UGT2B28: variants seen among roughly 807,000 people sequenced by gnomAD.
UGT2B28 encodes UDP-glucuronosyltransferase 2B28.
A neutral mutation model predicts 43.6 loss-of-function variants in UGT2B28; 45 were observed. That is an observed-to-expected ratio of 1.03 (90% CI 0.81 to 1.32). UGT2B28 has a LOEUF of 1.32. Ranked by LOEUF, UGT2B28 falls within the 40% of genes most tolerant of loss-of-function variation. The pLI, the probability that UGT2B28 is intolerant of heterozygous loss-of-function variation, is 0.00. For synonymous variants in UGT2B28, 204 were observed against 208.1 expected (o/e 0.98, Z 0.17); for missense variants, 649 against 625.5 (o/e 1.04, Z -0.40).
chr4:69,294,923 A>C lies in UGT2B28; in HGVS notation c.*114A>C. 7.6e-7 allele frequency: 1 copy of C among 1,319,082 alleles called. No homozygotes were observed. The highest frequency in any genetic ancestry group is 9.8e-7 in the Non-Finnish European group (1 of 1,021,698). 81.7% of individuals were successfully genotyped at this position (1,319,082 alleles called of 1,614,324 possible). A position where few individuals can be genotyped will look rare whatever the true frequency, so the allele number is the denominator to read the frequency against. On this transcript the variant is annotated 3_prime_UTR_variant, in exon 6 of 6. Transcript: ENST00000335568. ...TTCTTTCTTCCTGTGACAAAAAAAA[A>C]AACTTTTCAAAATCTACCTTGTCAA...
At chr4:69,285,548 A>T (rs868375315) in intron 2 of UGT2B28, among the ~76,000 whole-genome samples, 1 of 140,486 alleles carries the variant, frequency 7.1e-6, no homozygotes, top group African/African-American at 2.8e-5. Flanking sequence ...CCCAGGTATT[A>T]CGTGGAATAG....
chr4:69,285,021 T>C lies in UGT2B28; in HGVS notation c.871-1731T>C, dbSNP rs115542598. On this transcript the variant is annotated intron_variant, in intron 2 of 5. Transcript: ENST00000335568. ...ATCTTACATGAAAGAATGATTAAAA[T>C]TTATTTGCATACGATAGCATTAAAA... Among the ~76,000 whole-genome samples the C allele has an allele frequency of 7.3e-3, 1,019 of 140,184 alleles. 221 individuals carry two copies. The highest frequency in any genetic ancestry group is 0.026 in the African/African-American group (940 of 35,962). 92.0% of individuals were successfully genotyped at this position (140,184 alleles called of 152,430 possible).
At position 69,294,549 on chromosome 4, in the gene UGT2B28, A is replaced by C; in HGVS notation, c.1330A>C (p.Lys444Gln). The change falls in exon 6 of 6, where the codon AAA becomes CAA. Residue 444 changes from lysine (K) to glutamine (Q), a missense_variant. Transcript: ENST00000335568. ...CTTCAGATATAAAGAGAATGTTATG[A>C]AATTATCAATAATTCAACATGATCA... is the stretch of plus-strand genomic sequence containing the variant. The part of the protein sequence containing the change: ...NDPSYKENVM[K>Q]LSIIQHDQPV... 1 of 1,542,394 alleles carries C rather than the reference A, an allele frequency of 6.5e-7. No individual in the cohort carries two copies. Among genetic ancestry groups the C allele is most frequent in the Middle Eastern group, 1.8e-4 (1 of 5,542 alleles).
rs1271172272 is a variant in UGT2B28, at chr4:69,284,915, G to A, written c.871-1837G>A. On this transcript the variant is annotated intron_variant, in intron 2 of 5. Transcript: ENST00000335568. ...GTTATTAATTTTATAATATATTCAC[G>A]TGAAATCATAAAAAAATCAAGTTGT... is the stretch of plus-strand genomic sequence containing the variant. Among the ~76,000 whole-genome samples the A allele has an allele frequency of 1.3e-4, 18 of 139,382 alleles. 2 individuals carry two copies. The highest frequency in any genetic ancestry group is 2.2e-4 in the Admixed American group (3 of 13,882). 91.4% of individuals were successfully genotyped at this position (139,382 alleles called of 152,430 possible). A position where few individuals can be genotyped will look rare whatever the true frequency, so the allele number is the denominator to read the frequency against.
At chr4:69,289,207 A>G (rs1403919340) in intron 3 of UGT2B28, among the ~76,000 whole-genome samples, 1 of 139,930 alleles carries the variant, frequency 7.1e-6, no homozygotes, top group East Asian at 2.0e-4. Context: ...ATTCCAACCA[A>G]CAGAGTATAA....
In UGT2B28 at chr4:69,286,752, G is replaced by A; in HGVS notation, c.871G>A (p.Glu291Lys). ...GTGATTAAACAATTTTTTTTCACAG[G>A]AAATGGAGGAATTTGTACAGAGCTC... ...HCKPAKPLPK[E>K]MEEFVQSSGE... Residue 291 changes from glutamate to lysine, a missense_variant and splice_region_variant, in exon 3 of 6, where the codon GAA becomes AAA. Glu to Lys is a moderately conservative substitution (Grantham distance 56). Transcript: ENST00000335568. The A allele has an allele frequency of 6.4e-7, 1 of 1,551,922 alleles. No individual in the cohort carries two copies. The highest frequency in any genetic ancestry group is 8.7e-7 in the Non-Finnish European group (1 of 1,153,150).
rs1193714939 is a variant in UGT2B28 at position 69,293,964 on chromosome 4, G to A, written c.1311-566G>A. ...TGACAAGCCATGAGGTATGTCACTC[G>A]CCATGATAAAATTCCTTTTTAGGAA... On this transcript the variant is annotated intron_variant, in intron 5 of 5. Coordinates refer to ENST00000335568, the MANE Select transcript of UGT2B28 (RefSeq NM_053039.2). 1.1e-4 allele frequency among the ~76,000 whole-genome samples: 15 copies of A among 139,912 alleles called. 4 individuals are homozygous for A. The highest frequency in any genetic ancestry group is 4.1e-4 in the East Asian group (2 of 4,892). 91.8% of individuals were successfully genotyped at this position (139,912 alleles called of 152,430 possible).
chr4:69,280,792 TCAGA>T lies in UGT2B28; in HGVS notation c.295_298del (p.Asp99PhefsTer31), dbSNP rs1432380676. On this transcript the variant is annotated frameshift_variant, in exon 1 of 6. Transcript: ENST00000335568. LOFTEE classifies it high-confidence loss of function. ...CATCATGCAACAGGTTAAGAGATGG[TCAGA>T]CATTCAAAAAGATAGCTTTTGGTTA... The T allele has an allele frequency of 1.9e-6, 3 of 1,569,384 alleles. No homozygotes were observed. The highest frequency in any genetic ancestry group is 1.7e-4 in the Middle Eastern group (1 of 5,808).
intron 1 of UGT2B28, 74 bp downstream of exon 1, chr4:69,281,295 A>G: frequency 7.1e-7 from 1 of 1,399,470 alleles, no homozygotes; most frequent in Non-Finnish European, 9.3e-7. Flanking sequence ...ATATAAAGCC[A>G]TAAAGTCAGG....
chr4:69,294,762 T>G lies in UGT2B28; in HGVS notation c.1543T>G (p.Cys515Gly), dbSNP rs1403581512. 6.4e-7 allele frequency: 1 copy of G among 1,559,134 alleles called. No homozygotes were observed. The highest frequency in any genetic ancestry group is 8.7e-7 in the Non-Finnish European group (1 of 1,155,008). The change falls in exon 6 of 6, where the codon TGT (cysteine) becomes GGT (glycine). Residue 515 changes from cysteine to glycine, a missense_variant. Transcript: ENST00000335568. The stretch of plus-strand genomic sequence containing the variant: ...TGTCGTCACAAAGTTTTGTCTGTTT[T>G]GTTTCTGGAAGTTTGCTAGAAAAGG... ...IFVVTKFCLFCFWKFARKGKK... is the reference protein window; with the variant it reads ...IFVVTKFCLFGFWKFARKGKK...
intron 3 of UGT2B28, 139 bp from the exon 4 acceptor site, chr4:69,289,522 TGTGA>T (rs1723882589): frequency 4.1e-6 from 3 of 724,890 alleles, no homozygotes; most frequent in Admixed American, 4.1e-5. Context: ...GAAAATAAAA[TGTGA>T]GTATTGTTTT....
In UGT2B28 at chr4:69,289,814, T is replaced by G. The variant is rs1200245334; in HGVS notation, c.1090+62T>G. On this transcript the variant is annotated intron_variant, in intron 4 of 5. Transcript: ENST00000335568. ...AACTGCACATTAGAATGTTAATAGT[T>G]TATCTTGAAACATGCTTATTGAATA... The G allele has an allele frequency of 5.0e-6, 7 of 1,401,818 alleles. 1 individual carries two copies. In the African/African-American group the frequency reaches 8.4e-5, roughly 17 times the overall value. 86.8% of individuals were successfully genotyped at this position (1,401,818 alleles called of 1,614,324 possible). A position where few individuals can be genotyped will look rare whatever the true frequency, so the allele number is the denominator to read the frequency against.
At chr4:69,291,908 C>T (rs1246081007) in intron 5 of UGT2B28, among the ~76,000 whole-genome samples, 1 of 140,170 alleles carries the variant, frequency 7.1e-6, no homozygotes, top group African/African-American at 2.8e-5. Flanking sequence ...TTACAGCCTT[C>T]TTAGTGGGTG....
chr4:69,285,639 C>T lies in UGT2B28; in HGVS notation c.871-1113C>T, dbSNP rs1258459960. ...TCTGCCATACGTGGTGCACTGTTCA[C>T]ATTTAGACATTTTTTTCTTTGTTTT... On this transcript the variant is annotated intron_variant, in intron 2 of 5. Coordinates refer to ENST00000335568, the MANE Select transcript of UGT2B28 (RefSeq NM_053039.2). Among the ~76,000 whole-genome samples the T allele has an allele frequency of 1.4e-5, 2 of 141,460 alleles. 1 individual carries two copies. The highest frequency in any genetic ancestry group is 5.5e-5 in the African/African-American group (2 of 36,324). The allele number at this position is 141,460 out of a possible 152,430, so 92.8% of individuals were successfully genotyped here. A position where few individuals can be genotyped will look rare whatever the true frequency, so the allele number is the denominator to read the frequency against.
intron 4 of UGT2B28, among the ~76,000 whole-genome samples, chr4:69,290,206 C>G (rs1723911013): frequency 7.1e-6 from 1 of 140,040 alleles, no homozygotes; most frequent in Non-Finnish European, 1.5e-5. Context: ...ACCTGTCTTT[C>G]CTCAATCCTA....
Position 69,292,583 on chromosome 4 carries a change from G to T in UGT2B28, c.1310+1772G>T, listed in dbSNP as rs1174615635. Among the ~76,000 whole-genome samples the T allele has an allele frequency of 1.4e-5, 2 of 140,142 alleles. 1 individual carries two copies. Among genetic ancestry groups the T allele is most frequent in the Non-Finnish European group, 3.1e-5 (2 of 65,568 alleles). 91.9% of individuals were successfully genotyped at this position (140,142 alleles called of 152,430 possible). A position where few individuals can be genotyped will look rare whatever the true frequency, so the allele number is the denominator to read the frequency against. On this transcript the variant is annotated intron_variant, in intron 5 of 5. Coordinates refer to ENST00000335568, the MANE Select transcript of UGT2B28 (RefSeq NM_053039.2). Reference sequence around the variant, plus strand: ...TGAGTAAGGACATAAAACACTTGAAGAATACAATTAACAAATGGATTCTTA... The same window carrying T: ...TGAGTAAGGACATAAAACACTTGAATAATACAATTAACAAATGGATTCTTA...
chr4:69,283,088 T>A (rs1283248623), intron 2 of UGT2B28, among the ~76,000 whole-genome samples: 1 of 140,462 alleles, frequency 7.1e-6, no homozygotes, highest in Admixed American at 7.2e-5. Context: ...TTTAAAAAAC[T>A]ATTATCTCAA....
chr4:69,283,244 G>A, intron 2 of UGT2B28, among the ~76,000 whole-genome samples: 1 of 138,836 alleles, frequency 7.2e-6, no homozygotes. Flanking sequence ...AGCAGATAAA[G>A]TGGTCAGGAC....
Position 69,294,978 on chromosome 4 carries a change from C to A in UGT2B28, c.*169C>A. On this transcript the variant is annotated 3_prime_UTR_variant, in exon 6 of 6. Transcript: ENST00000335568. Reference sequence around the variant, plus strand: ...AAATTTGTTTTTCAGAGATTTACCACCCAGGTAATGGTTAGAAATATTCTG... The same window carrying A: ...AAATTTGTTTTTCAGAGATTTACCAACCAGGTAATGGTTAGAAATATTCTG... The A allele has an allele frequency of 1.2e-6, 1 of 869,552 alleles. No homozygotes were observed. The allele number at this position is 869,552 out of a possible 1,614,324, so 53.9% of individuals were successfully genotyped here. A position where few individuals can be genotyped will look rare whatever the true frequency, so the allele number is the denominator to read the frequency against.
Sources: allele counts gnomAD v4.1 joint callset (sites outside exome capture counted in the v4.1 genomes callset), GRCh38; gene constraint gnomAD v4.1.1; transcripts MANE v1.5; gene names NCBI Gene and HGNC (gene_info 2026-07-23, HGNC 2026-07-21).